Variants in IGDCC4 observed in about 807,000 individuals in gnomAD.
IGDCC4 encodes the protein likely ortholog of mouse neighbor of Punc E11.
In IGDCC4, 72 loss-of-function variants were observed where a neutral mutation model predicts 116.6. The observed-to-expected ratio is 0.62, with a 90% CI of 0.51 to 0.75. The LOEUF (loss-of-function observed/expected upper bound fraction) is 0.75, where lower values mean the gene tolerates loss of function less well. Ranked by LOEUF, IGDCC4 falls within the 30% of genes least tolerant of loss-of-function variation. IGDCC4 has a pLI of 0.00. For missense variants in IGDCC4, 1,501 were observed against 1,662.4 expected, an observed-to-expected ratio of 0.90 and a Z score of 1.69; for synonymous variants, 709 against 719.9, an observed-to-expected ratio of 0.98 and a Z score of 0.24.
Position 65,392,186 on chromosome 15 carries a change from C to A in IGDCC4, c.2070G>T (p.Val690=). 1 of 1,613,928 alleles carries A rather than the reference C, an allele frequency of 6.2e-7. No individual in the cohort carries two copies. The highest frequency in any genetic ancestry group is 8.5e-7 in the Non-Finnish European group (1 of 1,179,942). Residue 690 remains valine (V), a synonymous_variant, in exon 11 of 20, where the codon GTG becomes GTT. Coordinates refer to ENST00000352385, the MANE Select transcript of IGDCC4 (RefSeq NM_020962.3). The part of the protein sequence containing the change: ...PGGRGDQAWD[V]GPVRLKKKVK... The stretch of plus-strand genomic sequence containing the variant: ...CTTTCTTCTTGAGCCGGACAGGCCC[C>A]ACATCCCAAGCCTGGTCTCCACGGC...
intron 1 of IGDCC4, among the ~76,000 whole-genome samples, chr15:65,420,105 C>A (rs2063176849): frequency 6.6e-6 from 1 of 152,178 alleles, no homozygotes; most frequent in Admixed American, 6.5e-5. Flanking sequence ...CACCACCACA[C>A]CTGGCCAACT....
intron 1 of IGDCC4, among the ~76,000 whole-genome samples, chr15:65,416,001 T>G (rs142865519): frequency 0.016 from 2,437 of 152,208 alleles, 41 homozygotes; most frequent in South Asian, 0.054. Context: ...GTGAGCTACT[T>G]TTGTCCTTTC....
In IGDCC4 at chr15:65,388,790, T is replaced by C; in HGVS notation, c.2707+18A>G. The C allele has an allele frequency of 2.5e-6, 4 of 1,613,760 alleles. No homozygotes were observed. Among genetic ancestry groups the C allele is most frequent in the Non-Finnish European group, 3.4e-6 (4 of 1,179,942 alleles). Reference sequence around the variant, plus strand: ...CTGGGAAGCTCTTGAGCAGATGCCCTGGGGCAGGAGCCCTCACCCTGCGTG... The same window carrying C: ...CTGGGAAGCTCTTGAGCAGATGCCCCGGGGCAGGAGCCCTCACCCTGCGTG... On this transcript the variant is annotated intron_variant, in intron 15 of 19. Transcript: ENST00000352385.
chr15:65,402,239 A>G (rs2062994059), intron 4 of IGDCC4, 112 bp downstream of exon 4: 4 of 1,260,400 alleles, frequency 3.2e-6, no homozygotes, highest in Middle Eastern at 2.8e-4. Flanking sequence ...CAATGGGACT[A>G]ACATTTATCA....
At position 65,393,637 on chromosome 15, in the gene IGDCC4, T is replaced by C; in HGVS notation, c.1715-106A>G. 2.4e-6 allele frequency: 3 copies of C among 1,237,006 alleles called. No homozygotes were observed. In the East Asian group the frequency reaches 7.3e-5, roughly 30 times the overall value. 76.6% of individuals were successfully genotyped at this position (1,237,006 alleles called of 1,614,324 possible). ...TCACATCCCGGTTCCTCCGTGCCCG[T>C]GGGAGCCTGAGGCGTTCTCAGCACT... On this transcript the variant is annotated intron_variant, in intron 9 of 19. Coordinates refer to ENST00000352385, the MANE Select transcript of IGDCC4 (RefSeq NM_020962.3). This position sits in a 1 kb window ranked among gnomAD's most constrained non-coding sequence, Gnocchi z 4.6.
At chr15:65,401,042 G>T in intron 4 of IGDCC4, 96 bp from the exon 5 acceptor site, 1 of 1,491,054 alleles carries the variant, frequency 6.7e-7, no homozygotes, top group East Asian at 2.3e-5. Flanking sequence ...AGGTGGTACC[G>T]GGGACAGCAG....
chr15:65,416,427 G>A (rs1309371180), intron 1 of IGDCC4, among the ~76,000 whole-genome samples: 11 of 152,216 alleles, frequency 7.2e-5, no homozygotes, highest in East Asian at 3.9e-4. Flanking sequence ...ATGAGCCACC[G>A]CGCCCGGCCA....
At chr15:65,402,538 G>A in intron 3 of IGDCC4, 51 bp from the exon 4 acceptor site, 2 of 1,534,780 alleles carry the variant, frequency 1.3e-6, no homozygotes, top group East Asian at 2.4e-5. Flanking sequence ...GGGCCACAGG[G>A]AGGGTGGCTC....
chr15:65,390,481 G>A, intron 12 of IGDCC4, 143 bp from the exon 13 acceptor site: 1 of 592,318 alleles, frequency 1.7e-6, no homozygotes, highest in Non-Finnish European at 2.6e-6. Context: ...CTACTTCACA[G>A]ATAAGGCAAT....
intron 1 of IGDCC4, among the ~76,000 whole-genome samples, chr15:65,419,794 GTGTGATAAGAAC>G (rs2063174033): frequency 6.6e-6 from 1 of 152,318 alleles, no homozygotes; most frequent in Non-Finnish European, 1.5e-5. Context: ...ACCTTTGTGC[GTGTGATAAGAAC>G]AGAGCTCGGC....
chr15:65,398,665 T>C (rs570177800), intron 5 of IGDCC4, among the ~76,000 whole-genome samples: 1 of 151,132 alleles, frequency 6.6e-6, no homozygotes, highest in African/African-American at 2.4e-5. Context: ...GATCACGAGG[T>C]TGGATCACGA....
At chr15:65,401,813 A>G (rs2062989171) in intron 4 of IGDCC4, among the ~76,000 whole-genome samples, 1 of 152,212 alleles carries the variant, frequency 6.6e-6, no homozygotes, top group Non-Finnish European at 1.5e-5. Flanking sequence ...CAGGATTCAA[A>G]CCAGGTCTTT....
intron 3 of IGDCC4, 109 bp from the exon 4 acceptor site, chr15:65,402,596 C>T (rs1418410452): frequency 1.7e-5 from 24 of 1,382,402 alleles, no homozygotes; most frequent in South Asian, 7.1e-5. Context: ...AGGCTGGGCG[C>T]AGTGGCTCAC....
rs1304815793 is a variant in IGDCC4, at chr15:65,400,807, T to A, written c.840A>T (p.Gln280His). ...CCTTCTCCCACCCCCTCCACTCACC[T>A]TGTCGGACCCAGGACACAAAAGGGG... is the stretch of plus-strand genomic sequence containing the variant. The part of the protein sequence containing the change: ...DPTPFVSWVR[Q>H]DGKPISTDVI... Residue 280 changes from glutamine to histidine, a missense_variant and splice_region_variant, in exon 5 of 20, where the codon CAA becomes CAT. This residue lies in a region of IGDCC4 where 898 missense variants were observed against 978.9 expected (regional missense o/e 0.92). Transcript: ENST00000352385. 6.3e-7 allele frequency: 1 copy of A among 1,598,052 alleles called. No individual in the cohort carries two copies.
chr15:65,383,954 T>C lies in IGDCC4; in HGVS notation c.*55A>G, dbSNP rs988661659. The C allele has an allele frequency of 2.1e-6, 3 of 1,459,008 alleles. No homozygotes were observed. The highest frequency in any genetic ancestry group is 9.2e-7 in the Non-Finnish European group (1 of 1,089,870). 90.4% of individuals were successfully genotyped at this position (1,459,008 alleles called of 1,614,324 possible). A position where few individuals can be genotyped will look rare whatever the true frequency, so the allele number is the denominator to read the frequency against. ...ATGTGGACATACACGGCCACAGGTA[T>C]CGCATCCTATGTGATCCATACCTGC... On this transcript the variant is annotated 3_prime_UTR_variant, in exon 20 of 20. Coordinates refer to ENST00000352385, the MANE Select transcript of IGDCC4 (RefSeq NM_020962.3).
At chr15:65,386,514 C>A in intron 17 of IGDCC4, 37 bp downstream of exon 17, 1 of 1,535,496 alleles carries the variant, frequency 6.5e-7, no homozygotes, top group South Asian at 1.2e-5. Context: ...TCCTGGAAGT[C>A]TCCCTTCCCT....
At chr15:65,403,837 C>T (rs1282899738) in intron 3 of IGDCC4, among the ~76,000 whole-genome samples, 7 of 152,078 alleles carry the variant, frequency 4.6e-5, no homozygotes, top group Admixed American at 3.3e-4. Flanking sequence ...ACTTGAGAAA[C>T]GATGTAATCT....
At position 65,410,183 on chromosome 15, in the gene IGDCC4, C is replaced by A. The variant is rs57546763; in HGVS notation, c.558G>T (p.Glu186Asp). The part of the protein sequence containing the change: ...WEKDQVTLPE[E>D]PRLIVLPNGV... ...CTCCCCTACAGGGCACTCACCGAGG[C>A]TCCTCAGGCAATGTCACCTGGTCCT... Residue 186 changes from glutamate (E) to aspartate (D), a missense_variant, in exon 3 of 20, where the codon GAG becomes GAT. Glu to Asp is a conservative substitution (Grantham distance 45). Transcript: ENST00000352385. The A allele has an allele frequency of 6.8e-6, 11 of 1,612,946 alleles. No individual in the cohort carries two copies. Among genetic ancestry groups the A allele is most frequent in the South Asian group, 1.1e-5 (1 of 91,030 alleles).
intron 16 of IGDCC4, among the ~76,000 whole-genome samples, chr15:65,387,308 TTACAA>T (rs2091469524): frequency 4.0e-5 from 6 of 151,894 alleles, no homozygotes; most frequent in Non-Finnish European, 7.4e-5. Flanking sequence ...GCACTTTGGA[TTACAA>T]GCACAAGCCA....
Sources: gnomAD v4.1 joint callset for allele counts (sites outside exome capture counted in the v4.1 genomes callset) on GRCh38, gnomAD v4.1.1 for gene constraint, gnomAD v4.1.1 regional missense constraint, Gnocchi (gnomAD v3.1) non-coding constraint, MANE v1.5 for transcripts, NCBI Gene and HGNC (gene_info 2026-07-23, HGNC 2026-07-21) for gene names.